CD99L2: variants seen among roughly 807,000 people sequenced by gnomAD.
The protein encoded by CD99L2 is CD99 antigen-like protein 2.
In CD99L2, 24 loss-of-function variants were observed where a neutral mutation model predicts 27.3. The ratio of observed to expected loss-of-function variants is 0.88; its 90% CI spans 0.64 to 1.24. CD99L2 has a LOEUF of 1.24. Ranked by LOEUF, CD99L2 falls within the 50% of genes most tolerant of loss-of-function variation. CD99L2 has a pLI of 0.00. For missense variants in CD99L2, 255 were observed against 221.6 expected, an observed-to-expected ratio of 1.15 and a Z score of -0.96; for synonymous variants, 97 against 87.9, an observed-to-expected ratio of 1.10 and a Z score of -0.58.
intron 4 of CD99L2, among the ~76,000 whole-genome samples, chrX:150,804,452 A>G (rs1557420176): frequency 8.9e-6 from 1 of 111,978 alleles, no homozygotes; most frequent in Non-Finnish European, 1.9e-5. Context: ...ACCTAAACAA[A>G]AAACAAAGAT....
At chrX:150,890,151 A>AAAATAAATAAATAAATAAATAAAT (rs56795332) in intron 1 of CD99L2, among the ~76,000 whole-genome samples, 17 of 98,884 alleles carry the variant, frequency 1.7e-4, no homozygotes, top group African/African-American at 6.3e-4. Context: ...ACTCCGTCTC[A>AAAATAAATAAATAAATAAATAAAT]AAATAAATAA....
At chrX:150,890,183 T>TAAATAAATAAATAAAC (rs1337021005) in intron 1 of CD99L2, among the ~76,000 whole-genome samples, 47 of 92,200 alleles carry the variant, frequency 5.1e-4, no homozygotes, top group African/African-American at 2.2e-3. Flanking sequence ...AATAAATAAA[T>TAAATAAATAAATAAAC]AAACTTGCTT....
chrX:150,818,947 G>A lies in CD99L2; in HGVS notation c.131-2869C>T, dbSNP rs880001613. 9 of 345,176 alleles carry A rather than the reference G, an allele frequency of 2.6e-5. No homozygotes were observed. In the East Asian group the frequency reaches 6.9e-4, roughly 27 times the overall value. The allele number at this position is 345,176 out of a possible 1,213,427, so 28.4% of individuals were successfully genotyped here. The stretch of plus-strand genomic sequence containing the variant: ...TCCAGGGTTTATGTGCTAGGGTGGG[G>A]ACTTCACATGCCATAATAGTAATGG... On this transcript the variant is annotated intron_variant, in intron 2 of 10. Transcript: ENST00000370377.
intron 1 of CD99L2, among the ~76,000 whole-genome samples, chrX:150,859,429 G>A (rs1047878773): frequency 9.0e-6 from 1 of 110,945 alleles, no homozygotes; most frequent in African/African-American, 3.3e-5. Flanking sequence ...AACCCGAGAG[G>A]GGGAGATTGC....
chrX:150,893,073 C>A (rs181468447), intron 1 of CD99L2, among the ~76,000 whole-genome samples: 1 of 111,162 alleles, frequency 9.0e-6, no homozygotes, highest in Non-Finnish European at 1.9e-5. Flanking sequence ...GCAGTGAGAT[C>A]GCACTATTGC....
At chrX:150,787,509 T>G (rs782430522) in intron 7 of CD99L2, among the ~76,000 whole-genome samples, 1 of 110,916 alleles carries the variant, frequency 9.0e-6, no homozygotes, top group Non-Finnish European at 1.9e-5. Flanking sequence ...TGTCCATCAA[T>G]GATAGACTGG....
At chrX:150,824,477 AAAGAAGAAAGAAGAAGAAGAAAG>A (rs1394938399) in intron 2 of CD99L2, among the ~76,000 whole-genome samples, 7 of 91,381 alleles carry the variant, frequency 7.7e-5, no homozygotes, top group Admixed American at 1.2e-4. Context: ...GAAGAAGAAG[AAAGAAGAAAGAAGAAGAAGAAAG>A]AAGAAGAAGA....
intron 1 of CD99L2, among the ~76,000 whole-genome samples, chrX:150,888,737 A>G (rs1355980991): frequency 8.9e-6 from 1 of 112,253 alleles, no homozygotes; most frequent in South Asian, 3.7e-4. Flanking sequence ...CCTTGCTATA[A>G]GGAAGCTCAA....
chrX:150,850,468 G>A (rs1326377550), intron 1 of CD99L2, among the ~76,000 whole-genome samples: 1 of 111,871 alleles, frequency 8.9e-6, no homozygotes, highest in Admixed American at 9.5e-5. Flanking sequence ...AGAACATGTA[G>A]GCACCAGCGG....
At chrX:150,811,121 T>C (rs2046065943) in intron 4 of CD99L2, among the ~76,000 whole-genome samples, 1 of 112,305 alleles carries the variant, frequency 8.9e-6, no homozygotes. Context: ...AGGATTTGAA[T>C]AGACATTTCT....
Position 150,897,467 on chromosome X carries a change from C to T in CD99L2, c.67+1055G>A, listed in dbSNP as rs187312514. 1.2e-4 allele frequency among the ~76,000 whole-genome samples: 14 copies of T among 112,215 alleles called. No individual in the cohort carries two copies. In the East Asian group the frequency reaches 3.9e-3, roughly 31 times the overall value. ...AAAGTGGCTTGGCTAGTACCATCCA[C>T]TGTTTTCCAGTGTTCCTTTATGTGA... On this transcript the variant is annotated intron_variant, in intron 1 of 10. Transcript: ENST00000370377.
chrX:150,796,034 C>T (rs2045791159), intron 4 of CD99L2, among the ~76,000 whole-genome samples: 1 of 112,608 alleles, frequency 8.9e-6, no homozygotes, highest in Non-Finnish European at 1.9e-5. Context: ...ACTTCTTTCA[C>T]ACCAATTACA....
intron 1 of CD99L2, among the ~76,000 whole-genome samples, chrX:150,895,977 G>A (rs1287399747): frequency 1.0e-5 from 1 of 97,325 alleles, no homozygotes; most frequent in Non-Finnish European, 2.0e-5. Flanking sequence ...AGTGAGCCGA[G>A]ATCGCGCCAC....
chrX:150,795,610 CTCTGCAG>C, intron 4 of CD99L2, 124 bp from the exon 5 acceptor site: 2 of 637,296 alleles, frequency 3.1e-6, no homozygotes, highest in Non-Finnish European at 5.0e-6. Context: ...CCTATAGGAC[CTCTGCAG>C]AATCACTTTG....
intron 1 of CD99L2, among the ~76,000 whole-genome samples, chrX:150,884,611 A>T (rs2047380326): frequency 1.8e-5 from 2 of 111,910 alleles, no homozygotes; most frequent in South Asian, 7.5e-4. Flanking sequence ...TGAGCCCGGG[A>T]AGTGGAGGTT....
At chrX:150,795,923 C>T (rs1382414229) in intron 4 of CD99L2, among the ~76,000 whole-genome samples, 6 of 112,408 alleles carry the variant, frequency 5.3e-5, no homozygotes, top group Non-Finnish European at 9.4e-5. Flanking sequence ...ATCTTATACA[C>T]GGAAAGTGCT....
intron 1 of CD99L2, among the ~76,000 whole-genome samples, chrX:150,866,071 C>T (rs1255869125): frequency 1.8e-5 from 2 of 111,816 alleles, no homozygotes; most frequent in Non-Finnish European, 3.8e-5. Flanking sequence ...TGTGGTGAGC[C>T]GTGATTGTGC....
chrX:150,859,908 GAACT>G (rs1246122870), intron 1 of CD99L2, among the ~76,000 whole-genome samples: 1 of 111,144 alleles, frequency 9.0e-6, no homozygotes, highest in East Asian at 2.8e-4. Flanking sequence ...ATATAAAAAA[GAACT>G]AACAGTAATC....
chrX:150,897,056 C>CT (rs1466265802), intron 1 of CD99L2, among the ~76,000 whole-genome samples: 4 of 112,297 alleles, frequency 3.6e-5, no homozygotes, highest in African/African-American at 1.3e-4. Flanking sequence ...ATTTTTCTAA[C>CT]TTTTTTTGTG....
Sources: allele counts gnomAD v4.1 joint callset (sites outside exome capture counted in the v4.1 genomes callset), GRCh38; gene constraint gnomAD v4.1.1; transcripts MANE v1.5; gene names NCBI Gene and HGNC (gene_info 2026-07-23, HGNC 2026-07-21).